Variants in RORA observed in about 807,000 individuals in gnomAD.
RORA encodes the protein RAR related orphan receptor A.
RORA carries 7 observed loss-of-function variants against 69.5 expected under a neutral mutation model. The observed-to-expected ratio is 0.10, with a 90% CI of 0.06 to 0.19. The LOEUF (loss-of-function observed/expected upper bound fraction) is 0.19, where lower values mean the gene tolerates loss of function less well. RORA is among the 10% of genes least tolerant of loss of function. The probability of loss-of-function intolerance (pLI) is 1.00; values close to 1 mark genes in which losing one functional copy is unlikely to be tolerated. For missense variants in RORA, 457 were observed against 663.0 expected, an observed-to-expected ratio of 0.69 and a Z score of 3.41; for synonymous variants, 261 against 240.8, an observed-to-expected ratio of 1.08 and a Z score of -0.78.
At chr15:61,009,246 G>C (rs945530808) in intron 1 of RORA, among the ~76,000 whole-genome samples, 1 of 152,164 alleles carries the variant, frequency 6.6e-6, no homozygotes, top group African/African-American at 2.4e-5. Flanking sequence ...GCCCATTCCG[G>C]GGGAGGGATG....
At chr15:60,859,958 C>G (rs1194115205) in intron 1 of RORA, among the ~76,000 whole-genome samples, 2 of 152,132 alleles carry the variant, frequency 1.3e-5, no homozygotes, top group Non-Finnish European at 2.9e-5. Context: ...TGGCCTCTTT[C>G]CATGCACCTA....
chr15:61,106,632 T>C (rs1046854455), intron 1 of RORA, among the ~76,000 whole-genome samples: 1 of 152,058 alleles, frequency 6.6e-6, no homozygotes, highest in Non-Finnish European at 1.5e-5. Context: ...TTCTCAAACA[T>C]TGTCTATTTT....
At chr15:60,825,300 A>C (rs1350497131) in intron 1 of RORA, among the ~76,000 whole-genome samples, 1 of 152,208 alleles carries the variant, frequency 6.6e-6, no homozygotes, top group African/African-American at 2.4e-5. Flanking sequence ...AGCACAGAGA[A>C]GGCATTAATG....
chr15:60,918,199 G>T (rs544980188), intron 1 of RORA, among the ~76,000 whole-genome samples: 1 of 152,192 alleles, frequency 6.6e-6, no homozygotes, highest in Non-Finnish European at 1.5e-5. Context: ...GGAAAGTCCT[G>T]GTTGCTAACT....
chr15:61,032,656 T>G (rs945987431), intron 1 of RORA, among the ~76,000 whole-genome samples: 2 of 152,162 alleles, frequency 1.3e-5, no homozygotes, highest in Admixed American at 6.5e-5. Context: ...AGGCCAAAGT[T>G]AAGTCTAACA....
At chr15:60,641,542 T>C (rs1358454812) in intron 2 of RORA, among the ~76,000 whole-genome samples, 5 of 152,152 alleles carry the variant, frequency 3.3e-5, no homozygotes, top group Non-Finnish European at 5.9e-5. Flanking sequence ...CTCGAGTAGC[T>C]GGGATTACAG....
intron 1 of RORA, among the ~76,000 whole-genome samples, chr15:61,205,056 A>T (rs958282727): frequency 1.2e-4 from 19 of 152,210 alleles, no homozygotes; most frequent in Non-Finnish European, 8.8e-5. Flanking sequence ...TCAACGTGTC[A>T]TATGTGGGCC....
chr15:60,729,362 A>T (rs1246186100), intron 1 of RORA, among the ~76,000 whole-genome samples: 1 of 152,150 alleles, frequency 6.6e-6, no homozygotes, highest in Non-Finnish European at 1.5e-5. Flanking sequence ...TGTCCTGGAG[A>T]TGAGTCTTTA....
At chr15:61,215,956 A>C (rs996632848) in intron 1 of RORA, among the ~76,000 whole-genome samples, 2 of 152,242 alleles carry the variant, frequency 1.3e-5, no homozygotes, top group Non-Finnish European at 2.9e-5. Context: ...ATCGGCTTCC[A>C]ACATGTTTGA....
intron 1 of RORA, among the ~76,000 whole-genome samples, chr15:60,945,469 A>T (rs1276630049): frequency 6.6e-6 from 1 of 152,202 alleles, no homozygotes; most frequent in Non-Finnish European, 1.5e-5. Context: ...GCAGACAAGA[A>T]GATGATGGAA....
intron 2 of RORA, among the ~76,000 whole-genome samples, chr15:60,569,522 C>T (rs1278033527): frequency 1.3e-5 from 2 of 152,144 alleles, no homozygotes; most frequent in Non-Finnish European, 2.9e-5. Flanking sequence ...TCAATACAGG[C>T]TAGCTAATGA....
chr15:60,743,016 A>ATTTT (rs33922947), intron 1 of RORA, among the ~76,000 whole-genome samples: 1,413 of 105,104 alleles, frequency 0.013, 53 homozygotes, highest in African/African-American at 0.048. Flanking sequence ...CATTCATTCT[A>ATTTT]TTTTTTTTTT....
chr15:61,193,758 G>C (rs2079822002), intron 1 of RORA, among the ~76,000 whole-genome samples: 1 of 152,148 alleles, frequency 6.6e-6, no homozygotes, highest in Non-Finnish European at 1.5e-5. Context: ...TGGAAATTGA[G>C]ACCCAGAGAG....
At chr15:60,975,006 G>T (rs1893835955) in intron 1 of RORA, among the ~76,000 whole-genome samples, 1 of 152,240 alleles carries the variant, frequency 6.6e-6, no homozygotes, top group African/African-American at 2.4e-5. Context: ...ATCTGGGCAG[G>T]TGGGCCAAGG....
rs143455973 is a variant in RORA, at chr15:60,571,462, C to T, written c.197-39611G>A. ...AAATAATTGTGCAGGCCAATTAAAC[C>T]TTTTGATAGAAATGAATAGCCTAGT... is the stretch of plus-strand genomic sequence containing the variant. On this transcript the variant is annotated intron_variant, in intron 2 of 10. Coordinates refer to ENST00000335670, the MANE Select transcript of RORA (RefSeq NM_134261.3). Among the ~76,000 whole-genome samples, 48 of 152,154 alleles carry T rather than the reference C, an allele frequency of 3.2e-4. No homozygotes were observed. In the East Asian group the frequency reaches 6.9e-3, roughly 22 times the overall value.
chr15:60,778,117 G>GC (rs1212334756), intron 1 of RORA, among the ~76,000 whole-genome samples: 3 of 152,200 alleles, frequency 2.0e-5, no homozygotes, highest in African/African-American at 7.2e-5. Flanking sequence ...ATCACAGGTA[G>GC]CTGTTTCTTC....
At chr15:60,751,212 A>C (rs965877953) in intron 1 of RORA, among the ~76,000 whole-genome samples, 1 of 152,148 alleles carries the variant, frequency 6.6e-6, no homozygotes, top group Non-Finnish European at 1.5e-5. Flanking sequence ...TCCATGGTTC[A>C]CTTTGTTCTG....
At position 61,008,167 on chromosome 15, in the gene RORA, G is replaced by T. The variant is rs148007584; in HGVS notation, c.166+220886C>A. Among the ~76,000 whole-genome samples, 702 of 151,398 alleles carry T rather than the reference G, an allele frequency of 4.6e-3. 6 individuals carry two copies. Among genetic ancestry groups the T allele is most frequent in the African/African-American group, 0.016 (662 of 41,230 alleles). ...TAAATGTCAAATTTTGGATAAACAT[G>T]TGGAGGTATAAAGAATTTCAAAATT... is the stretch of plus-strand genomic sequence containing the variant. On this transcript the variant is annotated intron_variant, in intron 1 of 10. Transcript: ENST00000335670.
intron 1 of RORA, among the ~76,000 whole-genome samples, chr15:60,823,110 TTC>T (rs143703146): frequency 1.6e-3 from 116 of 73,582 alleles, no homozygotes; most frequent in African/African-American, 5.5e-3. Context: ...ATTCTTCTCT[TTC>T]TCTCTCTCTC....
Sources: allele counts gnomAD v4.1 joint callset (sites outside exome capture counted in the v4.1 genomes callset), GRCh38; gene constraint gnomAD v4.1.1; transcripts MANE v1.5; gene names NCBI Gene and HGNC (gene_info 2026-07-23, HGNC 2026-07-21).